PIK3CD: variants seen among roughly 807,000 people sequenced by gnomAD.
PIK3CD encodes the protein phosphatidylinositol-4,5-bisphosphate 3-kinase catalytic subunit delta.
PIK3CD carries 20 observed loss-of-function variants against 122.9 expected under a neutral mutation model. The observed-to-expected ratio is 0.16, with a 90% confidence interval of 0.11 to 0.24. The LOEUF is 0.24. Among genes scored for constraint, PIK3CD ranks in the 10% least tolerant of loss-of-function variants. PIK3CD has a pLI of 1.00. For missense variants in PIK3CD, 787 were observed against 1,406.3 expected, an observed-to-expected ratio of 0.56 and a Z score of 7.04; for synonymous variants, 596 against 593.4, an observed-to-expected ratio of 1.00 and a Z score of -0.06.
intron 5 of PIK3CD, 89 bp downstream of exon 5, chr1:9,716,167 C>T (rs1570359888): frequency 8.8e-7 from 1 of 1,140,306 alleles, no homozygotes; most frequent in East Asian, 2.5e-5. Context: ...CCGCAAGCCC[C>T]CCTCCCCCAG....
intron 1 of PIK3CD, chr1:9,680,573 A>G: frequency 6.4e-6 from 1 of 155,762 alleles, no homozygotes; most frequent in Admixed American, 6.4e-5. Context: ...GTCTCTATGG[A>G]TTTGCCTGTT....
At chr1:9,679,050 T>C (rs953780614) in intron 1 of PIK3CD, among the ~76,000 whole-genome samples, 6 of 149,364 alleles carry the variant, frequency 4.0e-5, no homozygotes, top group African/African-American at 1.2e-4. Context: ...TCTTTCCGGG[T>C]AGTCAGGAGA....
rs369790602 is a variant in PIK3CD at position 9,717,593 on chromosome 1, G to T, written c.987G>T (p.Gln329His). ...LEQPFRIELI[Q>H]GSKVNADERM... ...AGCCGTTCCGCATCGAGCTCATCCA[G>T]GGCAGCAAAGTGAACGCCGACGAGC... Residue 329 changes from glutamine (Q) to histidine (H), a missense_variant, in exon 8 of 24, where the codon CAG becomes CAT. Gln to His is a conservative substitution (Grantham distance 24, BLOSUM62 0). Coordinates refer to ENST00000377346, the MANE Select transcript of PIK3CD (RefSeq NM_005026.5). This position sits in a 1 kb window ranked among gnomAD's most constrained non-coding sequence, Gnocchi z 5.4. 1.6e-5 allele frequency: 26 copies of T among 1,614,034 alleles called. No individual in the cohort carries two copies. Among genetic ancestry groups the T allele is most frequent in the Non-Finnish European group, 2.2e-5 (26 of 1,180,052 alleles).
intron 2 of PIK3CD, among the ~76,000 whole-genome samples, chr1:9,694,681 G>C (rs1028578496): frequency 6.6e-6 from 1 of 151,774 alleles, no homozygotes; most frequent in African/African-American, 2.4e-5. Context: ...GAGATTTACA[G>C]GCTAAATGTG....
intron 2 of PIK3CD, among the ~76,000 whole-genome samples, chr1:9,703,498 C>T (rs778357231): frequency 5.9e-5 from 9 of 152,208 alleles, no homozygotes; most frequent in Admixed American, 1.3e-4. Flanking sequence ...GCCTCCCATG[C>T]GCCCTTCTAG....
In PIK3CD at chr1:9,722,468, G is replaced by A; in HGVS notation, c.2348-60G>A. 6.4e-7 allele frequency: 1 copy of A among 1,556,372 alleles called. No individual in the cohort carries two copies. The highest frequency in any genetic ancestry group is 1.1e-5 in the South Asian group (1 of 89,856). ...CCTGGGACTTAAGGGCTTGGGTGTA[G>A]CTGGAAGCAGAGAACCTACCAGAAA... is the stretch of plus-strand genomic sequence containing the variant. On this transcript the variant is annotated intron_variant, in intron 18 of 23. Coordinates refer to ENST00000377346, the MANE Select transcript of PIK3CD (RefSeq NM_005026.5). This position sits in a 1 kb window ranked among gnomAD's most constrained non-coding sequence, Gnocchi z 7.6.
intron 2 of PIK3CD, among the ~76,000 whole-genome samples, chr1:9,701,195 C>T (rs1286004296): frequency 6.6e-6 from 1 of 152,116 alleles, no homozygotes; most frequent in African/African-American, 2.4e-5. Flanking sequence ...TCAACTTGCT[C>T]ATGCCACACC....
intron 1 of PIK3CD, among the ~76,000 whole-genome samples, chr1:9,690,642 A>C (rs1392634625): frequency 6.6e-6 from 1 of 152,166 alleles, no homozygotes; most frequent in African/African-American, 2.4e-5. Flanking sequence ...GCATCTTTGC[A>C]GGGATAGAGG....
At chr1:9,716,356 G>A in intron 5 of PIK3CD, 84 bp from the exon 6 acceptor site, 3 of 1,342,076 alleles carry the variant, frequency 2.2e-6, no homozygotes, top group Non-Finnish European at 3.2e-6. Flanking sequence ...CCCTACCCTT[G>A]GGGGCAAATA....
At chr1:9,711,338 A>G (rs1374680656) in intron 3 of PIK3CD, among the ~76,000 whole-genome samples, 2 of 152,070 alleles carry the variant, frequency 1.3e-5, no homozygotes, top group Non-Finnish European at 2.9e-5. Context: ...CAAGTGATCC[A>G]CCCGCTTCGG....
intron 2 of PIK3CD, among the ~76,000 whole-genome samples, chr1:9,693,286 G>A (rs1176179835): frequency 1.3e-5 from 2 of 152,086 alleles, no homozygotes; most frequent in Non-Finnish European, 2.9e-5. Flanking sequence ...GTGCAGTGAT[G>A]CAATCTCAGC....
At position 9,700,732 on chromosome 1, in the gene PIK3CD, C is replaced by T. The variant is rs2100621912; in HGVS notation, c.-33+9161C>T. The stretch of plus-strand genomic sequence containing the variant: ...CCCTGGCGGTCTTTACGTGGCTATT[C>T]ATTAAGCAGCTGAGATTCATTTGGT... On this transcript the variant is annotated intron_variant, in intron 2 of 23. Transcript: ENST00000377346. This position sits in a 1 kb window ranked among gnomAD's most constrained non-coding sequence, Gnocchi z 5.1. Among the ~76,000 whole-genome samples, 1 of 152,256 alleles carries T rather than the reference C, an allele frequency of 6.6e-6. No individual in the cohort carries two copies. Among genetic ancestry groups the T allele is most frequent in the Admixed American group, 6.5e-5 (1 of 15,288 alleles).
rs766437412 is a variant in PIK3CD, at chr1:9,726,983, T to A, written c.3072T>A (p.Arg1024=). ...GAGTGAAGTTTAACGAAGCCCTCCG[T>A]GAGAGCTGGAAAACCAAAGTGAACT... The part of the protein sequence containing the change: ...HFRVKFNEAL[R]ESWKTKVNWL... The change falls in exon 24 of 24, where the codon CGT becomes CGA. Residue 1024 remains arginine (R), a synonymous_variant. Transcript: ENST00000377346. 1 of 1,613,184 alleles carries A rather than the reference T, an allele frequency of 6.2e-7. No homozygotes were observed. Among genetic ancestry groups the A allele is most frequent in the Admixed American group, 1.7e-5 (1 of 59,970 alleles).
chr1:9,630,620 G>C, the PIK3CD span, among the ~76,000 whole-genome samples: 2 of 152,218 alleles, frequency 1.3e-5, no homozygotes, highest in Admixed American at 1.3e-4. Context: ...CCAGGAGTAT[G>C]ATGAAGGGCC....
At chr1:9,659,046 G>A (rs1026156253) in intron 1 of PIK3CD, among the ~76,000 whole-genome samples, 4 of 152,150 alleles carry the variant, frequency 2.6e-5, no homozygotes, top group African/African-American at 4.8e-5. Context: ...CCAACACAGC[G>A]GTTGCCCATT....
At chr1:9,669,013 C>A (rs192037368) in intron 1 of PIK3CD, among the ~76,000 whole-genome samples, 4 of 152,070 alleles carry the variant, frequency 2.6e-5, no homozygotes, top group Admixed American at 6.6e-5. Context: ...GGTGACTGTT[C>A]GCTGCTCACA....
chr1:9,708,824 T>C (rs1400977918), intron 2 of PIK3CD, among the ~76,000 whole-genome samples: 1 of 151,854 alleles, frequency 6.6e-6, no homozygotes, highest in Non-Finnish European at 1.5e-5. Flanking sequence ...AGAGTAAGAC[T>C]CTGTTTCAAA....
chr1:9,666,508 A>G (rs931098306), intron 1 of PIK3CD, among the ~76,000 whole-genome samples: 1 of 151,920 alleles, frequency 6.6e-6, no homozygotes, highest in Non-Finnish European at 1.5e-5. Context: ...CTGGGATTAC[A>G]GGTATGAGCC....
intron 1 of PIK3CD, chr1:9,654,174 G>T (rs773818572): frequency 1.5e-6 from 2 of 1,348,748 alleles, no homozygotes; most frequent in African/African-American, 1.5e-5. Flanking sequence ...TTCAGAAACA[G>T]ACTACATTGG....
Sources: allele counts gnomAD v4.1 joint callset (sites outside exome capture counted in the v4.1 genomes callset), GRCh38; gene constraint gnomAD v4.1.1; non-coding constraint Gnocchi (gnomAD v3.1); transcripts MANE v1.5; gene names NCBI Gene and HGNC (gene_info 2026-07-23, HGNC 2026-07-21).